UCHL1: variants seen among roughly 807,000 people sequenced by gnomAD.
UCHL1 encodes ubiquitin carboxyl-terminal hydrolase isozyme L1.
UCHL1 carries 5 observed loss-of-function variants against 33.3 expected under a neutral mutation model. The observed-to-expected ratio is 0.15, with a 90% CI of 0.08 to 0.32. The LOEUF is 0.32. Among genes scored for constraint, UCHL1 ranks in the 10% least tolerant of loss-of-function variants. The pLI is 1.00. For missense variants in UCHL1, 236 were observed against 280.0 expected, an observed-to-expected ratio of 0.84 and a Z score of 1.12; for synonymous variants, 132 against 108.8, an observed-to-expected ratio of 1.21 and a Z score of -1.33.
chr4:41,262,290 C>G (rs1411603473), intron 6 of UCHL1, among the ~76,000 whole-genome samples: 1 of 152,010 alleles, frequency 6.6e-6, no homozygotes, highest in South Asian at 2.1e-4. Context: ...AGTGAAACCC[C>G]GTCCCTACAA....
In UCHL1 at chr4:41,257,098, T is replaced by A; in HGVS notation, c.34-17T>A. On this transcript the variant is annotated splice_polypyrimidine_tract_variant and intron_variant, in intron 1 of 8. Transcript: ENST00000284440. ...GATCGGTTCGGTTTTGCCTTTTTCTTTGCATTTGCCTTTCAGATGCTGAAC... is the reference window on the plus strand; with the variant it reads ...GATCGGTTCGGTTTTGCCTTTTTCTATGCATTTGCCTTTCAGATGCTGAAC... 1 of 1,613,818 alleles carries A rather than the reference T, an allele frequency of 6.2e-7. No individual in the cohort carries two copies. Among genetic ancestry groups the A allele is most frequent in the Non-Finnish European group, 8.5e-7 (1 of 1,179,900 alleles).
intron 7 of UCHL1, among the ~76,000 whole-genome samples, chr4:41,263,784 C>T (rs1208160115): frequency 2.6e-5 from 4 of 152,222 alleles, no homozygotes; most frequent in Admixed American, 6.5e-5. Flanking sequence ...CTCCTCCTCT[C>T]GCCTCCATCT....
intron 8 of UCHL1, among the ~76,000 whole-genome samples, chr4:41,266,508 T>G (rs1246212618): frequency 6.6e-6 from 1 of 152,146 alleles, no homozygotes; most frequent in Non-Finnish European, 1.5e-5. Flanking sequence ...TCTTTAATAG[T>G]GAAATCAATA....
In UCHL1 at chr4:41,267,239, T is replaced by TTTG. The variant is rs1483432353; in HGVS notation, c.586-746_586-745insGTT. On this transcript the variant is annotated intron_variant, in intron 8 of 8. Transcript: ENST00000284440. ...AGGTAAACGTTAAGGCTGTTTTTTT[T>TTTG]TTTGTTTGTTTGTTTGTTTTCTGAG... 1.3e-4 allele frequency among the ~76,000 whole-genome samples: 19 copies of TTTG among 151,338 alleles called. 1 individual carries two copies. The highest frequency in any genetic ancestry group is 2.2e-4 in the Non-Finnish European group (15 of 67,900).
intron 2 of UCHL1, 97 bp from the exon 3 acceptor site, chr4:41,257,512 G>T: frequency 2.2e-6 from 3 of 1,351,850 alleles, no homozygotes; most frequent in Non-Finnish European, 2.8e-6. Flanking sequence ...GCTCGGGTGC[G>T]GGCGCGGAGG....
intron 8 of UCHL1, among the ~76,000 whole-genome samples, chr4:41,265,532 T>C (rs1580927697): frequency 6.6e-6 from 1 of 152,140 alleles, no homozygotes; most frequent in African/African-American, 2.4e-5. Flanking sequence ...TGAGCCGAGA[T>C]TGCACCACTG....
Position 41,263,209 on chromosome 4 carries a change from T to C in UCHL1, c.460-16T>C. On this transcript the variant is annotated splice_polypyrimidine_tract_variant and intron_variant, in intron 6 of 8. Transcript: ENST00000284440. Reference sequence around the variant, plus strand: ...CAGCTTACACTCATTTTCAAAAATTTCTTGACTTTCTTTAGGTAGATGACA... The same window carrying C: ...CAGCTTACACTCATTTTCAAAAATTCCTTGACTTTCTTTAGGTAGATGACA... The C allele has an allele frequency of 1.2e-6, 2 of 1,611,088 alleles. No individual in the cohort carries two copies. The highest frequency in any genetic ancestry group is 4.5e-5 in the East Asian group (2 of 44,834).
chr4:41,263,982 C>A, intron 7 of UCHL1, 121 bp from the exon 8 acceptor site: 1 of 1,281,288 alleles, frequency 7.8e-7, no homozygotes, highest in Non-Finnish European at 1.1e-6. Context: ...CATAACCAGG[C>A]TTCCTTCTGT....
Position 41,260,751 on chromosome 4 carries a change from C to A in UCHL1, c.279C>A (p.Ile93=), listed in dbSNP as rs121917767. ...KQTIGNSCGT[I]GLIHAVANNQ... ...CCATTGGGAATTCCTGTGGCACAAT[C>A]GGACTTATTCACGCAGTGGCCAATA... is the stretch of plus-strand genomic sequence containing the variant. Residue 93 remains isoleucine (I), a synonymous_variant, in exon 4 of 9, where the codon ATC becomes ATA. Coordinates refer to ENST00000284440, the MANE Select transcript of UCHL1 (RefSeq NM_004181.5). The A allele has an allele frequency of 1.6e-5, 26 of 1,614,054 alleles. No homozygotes were observed. The highest frequency in any genetic ancestry group is 4.2e-6 in the Non-Finnish European group (5 of 1,180,048).
At chr4:41,261,998 C>A in intron 6 of UCHL1, 75 bp downstream of exon 6, 1 of 1,574,392 alleles carries the variant, frequency 6.4e-7, no homozygotes, top group East Asian at 2.3e-5. Context: ...GCAGGAATCT[C>A]TTACTGGAAC....
intron 1 of UCHL1, 33 bp downstream of exon 1, chr4:41,257,042 G>A: frequency 3.1e-6 from 5 of 1,614,192 alleles, no homozygotes; most frequent in Non-Finnish European, 4.2e-6. Flanking sequence ...CCCGGAGAGC[G>A]CGAGGCCGAG....
intron 3 of UCHL1, among the ~76,000 whole-genome samples, chr4:41,260,355 G>A (rs1781051126): frequency 6.6e-6 from 1 of 152,174 alleles, no homozygotes; most frequent in Admixed American, 6.5e-5. Flanking sequence ...ACACCATTTT[G>A]GGCTGAAAGG....
chr4:41,257,337 G>A (rs1339203053), intron 2 of UCHL1: 3 of 967,810 alleles, frequency 3.1e-6, no homozygotes, highest in Non-Finnish European at 1.5e-6. Flanking sequence ...AGGGGGCTGC[G>A]CCCCGTGGCG....
chr4:41,264,590 G>A, intron 8 of UCHL1: 1 of 201,286 alleles, frequency 5.0e-6, no homozygotes, highest in East Asian at 1.2e-4. Flanking sequence ...GTTAAATTTA[G>A]GAGTTTTTCC....
Position 41,267,998 on chromosome 4 carries a change from G to A in UCHL1, c.597G>A (p.Lys199=), listed in dbSNP as rs755650397. The change falls in exon 9 of 9, where the codon AAG becomes AAA. Residue 199 remains lysine, a synonymous_variant. Transcript: ENST00000284440. ...SEDTLLKDAA[K]VCREFTEREQ... The stretch of plus-strand genomic sequence containing the variant: ...TTTCTCCTTTCCAGGACGCTGCCAA[G>A]GTCTGCAGAGAATTCACCGAGCGTG... 1.2e-6 allele frequency: 2 copies of A among 1,613,344 alleles called. No homozygotes were observed. The highest frequency in any genetic ancestry group is 1.1e-5 in the South Asian group (1 of 90,696).
chr4:41,267,213 C>T (rs934149394), intron 8 of UCHL1, among the ~76,000 whole-genome samples: 1 of 141,638 alleles, frequency 7.1e-6, no homozygotes, highest in South Asian at 2.4e-4. Flanking sequence ...CCTAGAATAT[C>T]AGGTAAACGT....
At chr4:41,264,048 A>T in intron 7 of UCHL1, 55 bp from the exon 8 acceptor site, 1 of 1,609,680 alleles carries the variant, frequency 6.2e-7, no homozygotes, top group East Asian at 2.2e-5. Flanking sequence ...CTAGGTAAGC[A>T]CGGTAGCCAG....
chr4:41,256,936 T>C lies in UCHL1; in HGVS notation c.-41T>C. On this transcript the variant is annotated 5_prime_UTR_variant, in exon 1 of 9. Coordinates refer to ENST00000284440, the MANE Select transcript of UCHL1 (RefSeq NM_004181.5). ...GCCTGGGCGGCTCCGCTAGCTGTTT[T>C]TCGTCTTCCCTAGGCTATTTCTGCC... 1 of 1,614,058 alleles carries C rather than the reference T, an allele frequency of 6.2e-7. No individual in the cohort carries two copies. The highest frequency in any genetic ancestry group is 8.5e-7 in the Non-Finnish European group (1 of 1,179,984).
At chr4:41,266,408 C>T (rs1323024125) in intron 8 of UCHL1, among the ~76,000 whole-genome samples, 2 of 152,092 alleles carry the variant, frequency 1.3e-5, no homozygotes, top group African/African-American at 2.4e-5. Flanking sequence ...TTAGAATATA[C>T]ATGCACTTAA....
Sources: gnomAD v4.1 joint callset for allele counts (sites outside exome capture counted in the v4.1 genomes callset) on GRCh38, gnomAD v4.1.1 for gene constraint, MANE v1.5 for transcripts, NCBI Gene and HGNC (gene_info 2026-07-23, HGNC 2026-07-21) for gene names.